CSMD1: variants seen among roughly 807,000 people sequenced by gnomAD.
The protein encoded by CSMD1 is CUB and sushi domain-containing protein 1.
In CSMD1, 213 loss-of-function variants were observed where a neutral mutation model predicts 417.5. That is an observed-to-expected ratio of 0.51 (90% CI 0.46 to 0.57). CSMD1 has a LOEUF of 0.57. CSMD1 is among the 20% of genes least tolerant of loss of function. CSMD1 has a pLI of 0.00. For synonymous variants in CSMD1, 2,862 were observed against 1,736.8 expected (o/e 1.65, Z -16.11); for missense variants, 6,923 against 4,529.7 (o/e 1.53, Z -15.17).
chr8:4,236,026 G>GCTTTTTTTT (rs1420352173), intron 3 of CSMD1, among the ~76,000 whole-genome samples: 6 of 108,076 alleles, frequency 5.6e-5, no homozygotes, highest in African/African-American at 8.4e-5. Context: ...AATGGATATT[G>GCTTTTTTTT]TTTTTTTTGT....
chr8:3,186,636 A>G (rs1269620459), intron 36 of CSMD1, among the ~76,000 whole-genome samples: 1 of 152,200 alleles, frequency 6.6e-6, no homozygotes, highest in Non-Finnish European at 1.5e-5. Flanking sequence ...CCTATTGAGT[A>G]AAAGTAGAAC....
At chr8:4,264,951 G>T (rs80272838) in intron 3 of CSMD1, among the ~76,000 whole-genome samples, 1 of 152,048 alleles carries the variant, frequency 6.6e-6, no homozygotes, top group African/African-American at 2.4e-5. Flanking sequence ...CAAATATTTC[G>T]AACAGGATAA....
Position 4,097,570 on chromosome 8 carries a change from A to T in CSMD1, c.416-65471T>A, listed in dbSNP as rs918918. Among the ~76,000 whole-genome samples the T allele has an allele frequency of 1.0e-3, 156 of 152,190 alleles. 2 individuals are homozygous for T. The East Asian group carries it at 0.026, about 26-fold the overall frequency. The stretch of plus-strand genomic sequence containing the variant: ...AGAAAGTCAGAGGACTACTCAGTGC[A>T]GTATGATTCTAGTAACACCCAGATT... On this transcript the variant is annotated intron_variant, in intron 3 of 69. Coordinates refer to ENST00000635120, the MANE Select transcript of CSMD1 (RefSeq NM_033225.6).
At chr8:4,498,710 T>A (rs1802101499) in intron 2 of CSMD1, among the ~76,000 whole-genome samples, 1 of 152,334 alleles carries the variant, frequency 6.6e-6, no homozygotes, top group African/African-American at 2.4e-5. Context: ...GACAGTTAGC[T>A]AAGCCCTCTG....
chr8:4,914,254 A>C (rs1218474638), intron 1 of CSMD1, among the ~76,000 whole-genome samples: 1 of 152,202 alleles, frequency 6.6e-6, no homozygotes, highest in African/African-American at 2.4e-5. Context: ...GTGAGTGTGC[A>C]GAGGAAATAG....
At chr8:3,110,492 TA>T (rs544473013) in intron 42 of CSMD1, among the ~76,000 whole-genome samples, 157 bp from the exon 43 acceptor site, 1 of 152,242 alleles carries the variant, frequency 6.6e-6, no homozygotes, top group South Asian at 2.1e-4. Context: ...ATTACTGCCC[TA>T]AAATCTGAAG....
intron 5 of CSMD1, among the ~76,000 whole-genome samples, chr8:3,884,030 G>A (rs367925079): frequency 3.4e-4 from 52 of 152,232 alleles, no homozygotes; most frequent in African/African-American, 1.1e-3. Flanking sequence ...TAGTTTTCAT[G>A]CAAAAGATAA....
chr8:3,263,471 C>G (rs1336621661), intron 26 of CSMD1, among the ~76,000 whole-genome samples: 1 of 152,078 alleles, frequency 6.6e-6, no homozygotes, highest in African/African-American at 2.4e-5. Context: ...CTTTGTTTAT[C>G]TCAGATGAAT....
chr8:3,971,338 ATG>A (rs1813074376), intron 5 of CSMD1, among the ~76,000 whole-genome samples: 1 of 152,110 alleles, frequency 6.6e-6, no homozygotes, highest in Admixed American at 6.5e-5. Flanking sequence ...GCCGGTTCAC[ATG>A]TGTTCTCTTT....
At chr8:4,327,348 G>A (rs1056421698) in intron 3 of CSMD1, among the ~76,000 whole-genome samples, 3 of 152,182 alleles carry the variant, frequency 2.0e-5, no homozygotes, top group Middle Eastern at 3.2e-3. Context: ...AGAATAGGCA[G>A]AGAGTTAAAA....
intron 12 of CSMD1, among the ~76,000 whole-genome samples, chr8:3,451,797 G>A (rs1220396436): frequency 7.9e-5 from 12 of 152,168 alleles, no homozygotes; most frequent in African/African-American, 2.6e-4. Flanking sequence ...TTGTCGATGC[G>A]GGCTCTTTTT....
intron 2 of CSMD1, among the ~76,000 whole-genome samples, chr8:4,526,936 G>C (rs571877322): frequency 4.7e-4 from 72 of 152,106 alleles, no homozygotes; most frequent in Admixed American, 7.9e-4. Flanking sequence ...GACAATCCTG[G>C]TTTTCAGGGA....
chr8:3,102,590 C>T (rs1025536566), intron 46 of CSMD1, among the ~76,000 whole-genome samples: 4 of 152,194 alleles, frequency 2.6e-5, no homozygotes, highest in Non-Finnish European at 5.9e-5. Flanking sequence ...GGGAGAAATG[C>T]ATCTTTAGGG....
intron 1 of CSMD1, among the ~76,000 whole-genome samples, chr8:4,927,249 G>T (rs1160838266): frequency 6.6e-6 from 1 of 151,806 alleles, no homozygotes; most frequent in Non-Finnish European, 1.5e-5. Context: ...GTAGAGACAG[G>T]GTTTCACCAT....
intron 1 of CSMD1, among the ~76,000 whole-genome samples, chr8:4,883,417 A>G (rs1386693818): frequency 6.6e-6 from 1 of 152,084 alleles, no homozygotes; most frequent in South Asian, 2.1e-4. Context: ...CAAGATCATC[A>G]CCACTCTCTC....
chr8:3,853,577 T>A (rs1804064076), intron 5 of CSMD1, among the ~76,000 whole-genome samples: 2 of 151,770 alleles, frequency 1.3e-5, no homozygotes, highest in African/African-American at 4.8e-5. Context: ...ATGAAAAAAA[T>A]AAGTTAAATA....
At chr8:4,115,271 C>A (rs113398323) in intron 3 of CSMD1, among the ~76,000 whole-genome samples, 4 of 152,226 alleles carry the variant, frequency 2.6e-5, no homozygotes, top group African/African-American at 4.8e-5. Flanking sequence ...ACTCACTGAA[C>A]GCTTAGATAA....
intron 2 of CSMD1, among the ~76,000 whole-genome samples, chr8:4,437,217 A>T (rs1469329934): frequency 6.6e-6 from 1 of 152,246 alleles, no homozygotes; most frequent in Non-Finnish European, 1.5e-5. Flanking sequence ...ATGACTGACC[A>T]ATGTATCAAA....
intron 28 of CSMD1, among the ~76,000 whole-genome samples, chr8:3,220,358 A>C (rs905182920): frequency 6.6e-6 from 1 of 152,040 alleles, no homozygotes; most frequent in African/African-American, 2.4e-5. Flanking sequence ...GTCCCCAAAG[A>C]GTGTAACAAT....
Sources: gnomAD v4.1 joint callset for allele counts (sites outside exome capture counted in the v4.1 genomes callset) on GRCh38, gnomAD v4.1.1 for gene constraint, MANE v1.5 for transcripts, NCBI Gene and HGNC (gene_info 2026-07-23, HGNC 2026-07-21) for gene names.